The following CHID1 variants were observed in gnomAD, a reference collection of about 807,000 sequenced individuals.
The protein encoded by CHID1 is chitinase domain containing 1, also known as chitinase domain-containing protein 1.
A neutral mutation model predicts 55.4 loss-of-function variants in CHID1; 44 were observed. The ratio of observed to expected loss-of-function variants is 0.79; its 90% CI spans 0.62 to 1.02. The LOEUF is 1.02. CHID1 is among the 50% of genes least tolerant of loss of function. The pLI is 0.00. For synonymous variants in CHID1, 216 were observed against 212.9 expected, an observed-to-expected ratio of 1.01 and a Z score of -0.13; for missense variants, 491 against 515.3, an observed-to-expected ratio of 0.95 and a Z score of 0.46.
intron 8 of CHID1, among the ~76,000 whole-genome samples, chr11:888,585 A>C (rs890612376): frequency 2.0e-5 from 3 of 152,250 alleles, no homozygotes; most frequent in Non-Finnish European, 4.4e-5. Flanking sequence ...AACAGGAATT[A>C]CTGCTCACAC....
At chr11:870,293 G>A in intron 11 of CHID1, 126 bp downstream of exon 11, 1 of 1,396,666 alleles carries the variant, frequency 7.2e-7, no homozygotes, top group African/African-American at 1.4e-5. Context: ...TGTGCTCCAG[G>A]GCCGGGAGCA....
intron 8 of CHID1, among the ~76,000 whole-genome samples, chr11:888,200 G>A (rs911061353): frequency 5.9e-5 from 9 of 152,222 alleles, no homozygotes; most frequent in African/African-American, 9.7e-5. Flanking sequence ...CGGTCCTCAC[G>A]CTTTCAAGGG....
At chr11:905,935 G>A (rs1171622183) in intron 1 of CHID1, among the ~76,000 whole-genome samples, 1 of 152,102 alleles carries the variant, frequency 6.6e-6, no homozygotes, top group African/African-American at 2.4e-5. Flanking sequence ...AAGAATATTT[G>A]GAACACACTT....
At chr11:870,272 T>C in intron 11 of CHID1, 109 bp from the exon 12 acceptor site, 1 of 1,470,564 alleles carries the variant, frequency 6.8e-7, no homozygotes, top group Non-Finnish European at 9.5e-7. Flanking sequence ...GGTGGCCACC[T>C]GCTGTCCAGC....
chr11:903,208 C>G, intron 2 of CHID1, 97 bp from the exon 3 acceptor site: 1 of 1,283,330 alleles, frequency 7.8e-7, no homozygotes, highest in Non-Finnish European at 1.1e-6. Flanking sequence ...AGCCAGCAGC[C>G]GAGTCTCTGG....
At chr11:907,541 G>A (rs1239010933) in intron 1 of CHID1, among the ~76,000 whole-genome samples, 1 of 152,130 alleles carries the variant, frequency 6.6e-6, no homozygotes, top group Non-Finnish European at 1.5e-5. Context: ...CAGCGGCGGT[G>A]GGAGCTGAAC....
At chr11:912,845 AAAAAAAG>A (rs1439430063), upstream of CHID1, among the ~76,000 whole-genome samples, 55 of 152,046 alleles carry the variant, frequency 3.6e-4, no homozygotes, top group African/African-American at 1.2e-3. Flanking sequence ...CTCAAAAAAA[AAAAAAAG>A]AAAAAGAAAA....
At chr11:874,025 A>G (rs892329716) in intron 10 of CHID1, among the ~76,000 whole-genome samples, 9 of 151,704 alleles carry the variant, frequency 5.9e-5, no homozygotes, top group African/African-American at 2.2e-4. Flanking sequence ...GGACCTCCTG[A>G]TGTGTGTGTG....
chr11:909,611 G>A (rs1852496047), intron 1 of CHID1, among the ~76,000 whole-genome samples: 1 of 152,240 alleles, frequency 6.6e-6, no homozygotes, highest in African/African-American at 2.4e-5. Context: ...GTGTGCACAT[G>A]TGTTGTGCAT....
At position 902,039 on chromosome 11, in the gene CHID1, A is replaced by T. The variant is rs76093363; in HGVS notation, c.394+159T>A. ...CCCACATCATCAGTCTCACACTTAC[A>T]CACTCACATTCACACTTAAATCACG... On this transcript the variant is annotated intron_variant, in intron 4 of 12. Coordinates refer to ENST00000323578, the MANE Select transcript of CHID1 (RefSeq NM_023947.4). The T allele has an allele frequency of 6.2e-6, 1 of 162,310 alleles. No homozygotes were observed. Among genetic ancestry groups the T allele is most frequent in the Non-Finnish European group, 8.8e-6 (1 of 113,044 alleles). The allele number at this position is 162,310 out of a possible 1,614,324, so 10.1% of individuals were successfully genotyped here.
At chr11:897,025 C>T (rs1250926255) in intron 7 of CHID1, among the ~76,000 whole-genome samples, 1 of 128,544 alleles carries the variant, frequency 7.8e-6, no homozygotes, top group Non-Finnish European at 1.6e-5. Context: ...CCCCCAGCCT[C>T]CACCCGACAC....
At chr11:906,307 T>G (rs989189137) in intron 1 of CHID1, among the ~76,000 whole-genome samples, 1 of 151,720 alleles carries the variant, frequency 6.6e-6, no homozygotes, top group Non-Finnish European at 1.5e-5. Context: ...GGCGCCATCT[T>G]GGCTCACTGC....
At chr11:906,889 G>A (rs1361407646) in intron 1 of CHID1, among the ~76,000 whole-genome samples, 4 of 152,118 alleles carry the variant, frequency 2.6e-5, no homozygotes, top group South Asian at 2.1e-4. Flanking sequence ...TTAGCTGGGC[G>A]TGCTGGCGCA....
At chr11:898,732 G>A (rs913422398) in intron 7 of CHID1, among the ~76,000 whole-genome samples, 4 of 152,198 alleles carry the variant, frequency 2.6e-5, no homozygotes, top group East Asian at 1.9e-4. Context: ...CACTCCCTCC[G>A]TTCCTGGTCA....
At chr11:884,205 T>C (rs757996138) in intron 8 of CHID1, 36 bp from the exon 9 acceptor site, 1 of 1,533,548 alleles carries the variant, frequency 6.5e-7, no homozygotes, top group Admixed American at 1.7e-5. Context: ...CAGGCTGCTA[T>C]GCCCTGCCTG....
chr11:906,623 A>G (rs1369788658), intron 1 of CHID1, among the ~76,000 whole-genome samples: 2 of 152,230 alleles, frequency 1.3e-5, no homozygotes, highest in African/African-American at 4.8e-5. Flanking sequence ...GTGCCGGTCA[A>G]TGAAGACGCT....
intron 7 of CHID1, among the ~76,000 whole-genome samples, chr11:897,306 G>A (rs1289753127): frequency 4.6e-5 from 7 of 152,300 alleles, no homozygotes; most frequent in East Asian, 1.9e-4. Flanking sequence ...CCAGACAAGA[G>A]GCTATCTCCT....
upstream of CHID1, among the ~76,000 whole-genome samples, chr11:911,885 G>T (rs1407227976): frequency 6.6e-6 from 1 of 152,172 alleles, no homozygotes; most frequent in Non-Finnish European, 1.5e-5. Flanking sequence ...CTCTGGAGAG[G>T]GTCCCAGTAA....
chr11:874,025 ATG>A (rs201025071), intron 10 of CHID1, among the ~76,000 whole-genome samples: 36 of 151,690 alleles, frequency 2.4e-4, no homozygotes, highest in South Asian at 2.1e-4. Flanking sequence ...GGACCTCCTG[ATG>A]TGTGTGTGTG....
Sources: allele counts gnomAD v4.1 joint callset (sites outside exome capture counted in the v4.1 genomes callset), GRCh38; gene constraint gnomAD v4.1.1; transcripts MANE v1.5; gene names NCBI Gene and HGNC (gene_info 2026-07-23, HGNC 2026-07-21).